Variants in CSMD3 observed in about 807,000 individuals in gnomAD.
CSMD3 encodes CUB and sushi domain-containing protein 3.
Under a neutral mutation model 435.2 loss-of-function variants are expected in CSMD3, and 177 were observed. The ratio of observed to expected loss-of-function variants is 0.41; its 90% CI spans 0.36 to 0.46. The LOEUF (loss-of-function observed/expected upper bound fraction) is 0.46. Among genes scored for constraint, CSMD3 ranks in the 20% least tolerant of loss-of-function variants. CSMD3 has a pLI of 0.34. For missense variants in CSMD3, 4,265 were observed against 4,504.6 expected (o/e 0.95, Z 1.52); for synonymous variants, 1,656 against 1,520.5 (o/e 1.09, Z -2.07).
intron 12 of CSMD3, 148 bp from the exon 13 acceptor site, chr8:112,800,422 G>T: frequency 1.5e-6 from 1 of 671,142 alleles, no homozygotes; most frequent in Non-Finnish European, 2.7e-6. Flanking sequence ...TGTGACAGAA[G>T]AAAAAACTAC....
chr8:113,106,469 T>A (rs1213528026), intron 4 of CSMD3, among the ~76,000 whole-genome samples: 1 of 152,146 alleles, frequency 6.6e-6, no homozygotes, highest in Non-Finnish European at 1.5e-5. Flanking sequence ...AGATATCCCC[T>A]ATAGGAAAAT....
At chr8:112,466,943 C>A (rs1439505530) in intron 32 of CSMD3, among the ~76,000 whole-genome samples, 1 of 152,030 alleles carries the variant, frequency 6.6e-6, no homozygotes, top group East Asian at 1.9e-4. Flanking sequence ...AAAGATGTTT[C>A]TAGATTAACT....
In CSMD3 at chr8:112,594,428, G is replaced by C. The variant is rs573480029; in HGVS notation, c.3716-7193C>G. 1.2e-3 allele frequency among the ~76,000 whole-genome samples: 190 copies of C among 152,288 alleles called. 1 individual carries two copies. Among genetic ancestry groups the C allele is most frequent in the African/African-American group, 4.0e-3 (166 of 41,588 alleles). Reference sequence around the variant, plus strand: ...TCTGAGATCAAACTGCAAGGCGGCAGCCAGGCTGGGGGAGGGGCGCCCGCC... The same window carrying C: ...TCTGAGATCAAACTGCAAGGCGGCACCCAGGCTGGGGGAGGGGCGCCCGCC... On this transcript the variant is annotated intron_variant, in intron 22 of 70. Transcript: ENST00000297405.
intron 38 of CSMD3, among the ~76,000 whole-genome samples, chr8:112,355,297 A>G (rs1382966528): frequency 1.3e-5 from 2 of 152,202 alleles, no homozygotes; most frequent in African/African-American, 4.8e-5. Context: ...TTGGCAATGA[A>G]TTTATGACAA....
chr8:112,460,862 AT>A (rs1333096817), intron 32 of CSMD3, among the ~76,000 whole-genome samples: 7 of 152,170 alleles, frequency 4.6e-5, no homozygotes, highest in African/African-American at 1.7e-4. Flanking sequence ...TTAAGGGTTT[AT>A]AAAGTTATAA....
intron 8 of CSMD3, among the ~76,000 whole-genome samples, chr8:112,951,717 G>A (rs1021772985): frequency 2.6e-5 from 4 of 151,656 alleles, no homozygotes; most frequent in African/African-American, 9.7e-5. Flanking sequence ...CTAGCATAGT[G>A]CTGCCATGGA....
At position 112,972,646 on chromosome 8, in the gene CSMD3, T is replaced by A. The variant is rs547739547; in HGVS notation, c.1342+3191A>T. ...ACTGAAATATGTAGAGATTTCATTA[T>A]CTTGAAGAAGGTAATTTCAAGCCTT... On this transcript the variant is annotated intron_variant, in intron 7 of 70. Transcript: ENST00000297405. 2.6e-5 allele frequency among the ~76,000 whole-genome samples: 4 copies of A among 152,126 alleles called. No homozygotes were observed. In the South Asian group the frequency reaches 6.2e-4, roughly 24 times the overall value.
rs138753084 is a variant in CSMD3 at position 112,508,659 on chromosome 8, A to G, written c.4757-1830T>C. The stretch of plus-strand genomic sequence containing the variant: ...TTTGTTTAGCCTTCTCTAAAAAAAG[A>G]AAAAAAAGCCTTTTCATCTAACTCC... On this transcript the variant is annotated intron_variant, in intron 28 of 70. Coordinates refer to ENST00000297405, the MANE Select transcript of CSMD3 (RefSeq NM_198123.2). Among the ~76,000 whole-genome samples, 284 of 152,032 alleles carry G rather than the reference A, an allele frequency of 1.9e-3. 1 individual carries two copies. The highest frequency in any genetic ancestry group is 1.8e-3 in the Non-Finnish European group (121 of 67,966).
chr8:112,739,764 G>A (rs1453871384), intron 13 of CSMD3, among the ~76,000 whole-genome samples: 1 of 151,752 alleles, frequency 6.6e-6, no homozygotes, highest in African/African-American at 2.4e-5. Flanking sequence ...GCATTGTATA[G>A]ATAATATCGC....
At chr8:112,430,170 T>C (rs1260343119) in intron 32 of CSMD3, among the ~76,000 whole-genome samples, 1 of 152,076 alleles carries the variant, frequency 6.6e-6, no homozygotes, top group African/African-American at 2.4e-5. Flanking sequence ...CAACCAGTTT[T>C]CTAACTCCGC....
At chr8:112,928,396 A>G (rs1026607289) in intron 9 of CSMD3, among the ~76,000 whole-genome samples, 2 of 152,128 alleles carry the variant, frequency 1.3e-5, no homozygotes, top group East Asian at 1.9e-4. Flanking sequence ...TTAACCTCCA[A>G]AATTAACTGT....
intron 9 of CSMD3, among the ~76,000 whole-genome samples, chr8:112,936,127 A>C (rs1793335288): frequency 6.6e-6 from 1 of 152,006 alleles, no homozygotes; most frequent in African/African-American, 2.4e-5. Flanking sequence ...CGCTTCTGCT[A>C]TTTCCACATT....
chr8:113,098,420 A>G, intron 5 of CSMD3: 1 of 296,182 alleles, frequency 3.4e-6, no homozygotes, highest in South Asian at 3.6e-5. Context: ...AACAAGGTAT[A>G]TAACAAGTCT....
In CSMD3 at chr8:113,180,374, A is replaced by G. The variant is rs185909471; in HGVS notation, c.515-6458T>C. On this transcript the variant is annotated intron_variant, in intron 3 of 70. Transcript: ENST00000297405. The stretch of plus-strand genomic sequence containing the variant: ...GGTATAGTTTGGAATTTACCTGGGG[A>G]CTTCAGTTTGAGCAAACATTTTATG... Among the ~76,000 whole-genome samples the G allele has an allele frequency of 3.0e-3, 451 of 152,090 alleles. 1 individual carries two copies. The highest frequency in any genetic ancestry group is 0.01 in the Middle Eastern group (3 of 294).
intron 15 of CSMD3, among the ~76,000 whole-genome samples, chr8:112,683,842 A>C (rs936106650): frequency 2.0e-5 from 3 of 151,816 alleles, no homozygotes; most frequent in African/African-American, 7.2e-5. Context: ...ATTTTAAATG[A>C]AACAGTGCAA....
chr8:112,633,302 C>G (rs1029488983), intron 22 of CSMD3, among the ~76,000 whole-genome samples: 69 of 113,630 alleles, frequency 6.1e-4, no homozygotes, highest in Non-Finnish European at 1.0e-3. Flanking sequence ...TTCCTCCCAA[C>G]TTTATCAAAG....
At chr8:112,535,774 C>T (rs1404225247) in intron 27 of CSMD3, among the ~76,000 whole-genome samples, 1 of 152,156 alleles carries the variant, frequency 6.6e-6, no homozygotes, top group Non-Finnish European at 1.5e-5. Context: ...TCAAACTATA[C>T]TACAAGGCTA....
chr8:112,736,062 T>C (rs1281296726), intron 13 of CSMD3, among the ~76,000 whole-genome samples: 1 of 152,026 alleles, frequency 6.6e-6, no homozygotes, highest in African/African-American at 2.4e-5. Context: ...AGGAGCCTAG[T>C]TCATGTTTGG....
chr8:112,567,827 A>G, intron 24 of CSMD3, among the ~76,000 whole-genome samples: 1 of 152,152 alleles, frequency 6.6e-6, no homozygotes, highest in Non-Finnish European at 1.5e-5. Flanking sequence ...AGAAGGAAGT[A>G]GTAATTTTCT....
Sources: allele counts gnomAD v4.1 joint callset (sites outside exome capture counted in the v4.1 genomes callset), GRCh38; gene constraint gnomAD v4.1.1; transcripts MANE v1.5; gene names NCBI Gene and HGNC (gene_info 2026-07-23, HGNC 2026-07-21).